Variants in CCT6B observed in about 807,000 individuals in gnomAD.
The protein encoded by CCT6B is chaperonin containing TCP1 subunit 6B, also known as probable T-complex protein 1 subunit zeta-2.
A neutral mutation model predicts 61.5 loss-of-function variants in CCT6B; 49 were observed. The ratio of observed to expected loss-of-function variants is 0.80; its 90% CI spans 0.63 to 1.01. CCT6B has a LOEUF of 1.01. CCT6B is among the 50% of genes least tolerant of loss of function. The probability of loss-of-function intolerance (pLI) is 0.00; values close to 1 mark genes in which losing one functional copy is unlikely to be tolerated. For missense variants in CCT6B, 666 were observed against 634.7 expected, an observed-to-expected ratio of 1.05 and a Z score of -0.53; for synonymous variants, 228 against 214.5, an observed-to-expected ratio of 1.06 and a Z score of -0.55.
At chr17:34,958,717 T>G (rs1446873063) in intron 2 of CCT6B, 23 bp from the exon 3 acceptor site, 2 of 1,567,092 alleles carry the variant, frequency 1.3e-6, no homozygotes, top group Non-Finnish European at 1.7e-6. Flanking sequence ...AGCAACAGAT[T>G]TAAAAAGACA....
rs889010502 is a variant in CCT6B at position 34,958,684 on chromosome 17, T to C, written c.212A>G (p.His71Arg). 3 of 1,594,726 alleles carry C rather than the reference T, an allele frequency of 1.9e-6. No individual in the cohort carries two copies. The highest frequency in any genetic ancestry group is 1.3e-5 in the African/African-American group (1 of 74,294). The change falls in exon 3 of 14, where the codon CAT becomes CGT. Residue 71 changes from histidine (H) to arginine (R), a missense_variant. Coordinates refer to ENST00000314144, the MANE Select transcript of CCT6B (RefSeq NM_006584.4). ...TTTTGCTATCAAGGAAGCTGTTGGATGTTGAATTTGCTGGAAAAAGCAAGC... is the reference window on the plus strand; with the variant it reads ...TTTTGCTATCAAGGAAGCTGTTGGACGTTGAATTTGCTGGAAAAAGCAAGC... Reference protein sequence around the residue: ...NVLLDEMQIQHPTASLIAKVA... With the variant: ...NVLLDEMQIQRPTASLIAKVA...
Position 34,954,588 on chromosome 17 carries a change from A to T in CCT6B, c.348T>A (p.Pro116=). The part of the protein sequence containing the change: ...ADLYISEGLH[P]RIIAEGFEAA... ...CTTCAAATCCTTCAGCTATTATTCT[A>T]GGGTGCAGGCCCTGTTACATCAACA... Residue 116 remains proline, a synonymous_variant, in exon 4 of 14, where the codon CCT becomes CCA. Coordinates refer to ENST00000314144, the MANE Select transcript of CCT6B (RefSeq NM_006584.4). 6.2e-7 allele frequency: 1 copy of T among 1,612,774 alleles called. No homozygotes were observed. Among genetic ancestry groups the T allele is most frequent in the Non-Finnish European group, 8.5e-7 (1 of 1,179,260 alleles).
chr17:34,932,316 A>G, intron 11 of CCT6B, 51 bp downstream of exon 11: 1 of 1,524,350 alleles, frequency 6.6e-7, no homozygotes. Context: ...ATTTGTAATT[A>G]AACACCTTTA....
rs762955264 is a variant in CCT6B at position 34,942,513 on chromosome 17, TTGAC to T, written c.852_855del (p.Ser285IlefsTer17). Reference sequence around the variant, plus strand: ...TGATTAATGACGACAAATCCTTTATTTGACTGAGCACAGACTTTGTCCTTCAGGT... The same window carrying T: ...TGATTAATGACGACAAATCCTTTATTTGAGCACAGACTTTGTCCTTCAGGT... On this transcript the variant is annotated frameshift_variant, in exon 7 of 14. Coordinates refer to ENST00000314144, the MANE Select transcript of CCT6B (RefSeq NM_006584.4). LOFTEE classifies it high-confidence loss of function. The T allele has an allele frequency of 2.4e-5, 38 of 1,593,120 alleles. No homozygotes were observed. The highest frequency in any genetic ancestry group is 5.7e-5 in the Admixed American group (3 of 52,670).
At chr17:34,935,558 G>A (rs752285025) in intron 10 of CCT6B, among the ~76,000 whole-genome samples, 4 of 152,062 alleles carry the variant, frequency 2.6e-5, no homozygotes, top group African/African-American at 4.8e-5. Flanking sequence ...TTTACTGTAC[G>A]AGAAAACTAA....
At chr17:34,930,633 A>C (rs2090025137) in intron 12 of CCT6B, among the ~76,000 whole-genome samples, 1 of 152,072 alleles carries the variant, frequency 6.6e-6, no homozygotes, top group Non-Finnish European at 1.5e-5. Flanking sequence ...CATATAATTC[A>C]TTACTTTTTC....
intron 11 of CCT6B, 140 bp downstream of exon 11, chr17:34,932,227 A>G: frequency 1.3e-6 from 1 of 752,962 alleles, no homozygotes; most frequent in Non-Finnish European, 2.0e-6. Context: ...CTTTAGTTGT[A>G]AAATATCTAA....
In CCT6B at chr17:34,939,311, A is replaced by G; in HGVS notation, c.1085T>C (p.Phe362Ser). Residue 362 changes from phenylalanine to serine, a missense_variant, in exon 10 of 14, where the codon TTT becomes TCT. Coordinates refer to ENST00000314144, the MANE Select transcript of CCT6B (RefSeq NM_006584.4). ...GCAAGGGTTAACACACTCCTCAATA[A>G]AAGTGAACTTTTCTTCACCCTAAAG... ...EYTLGEEKFT[F>S]IEECVNPCSV... is the part of the protein sequence containing the mutation. 4 of 1,613,214 alleles carry G rather than the reference A, an allele frequency of 2.5e-6. No homozygotes were observed. Among genetic ancestry groups the G allele is most frequent in the Non-Finnish European group, 1.7e-6 (2 of 1,179,546 alleles).
chr17:34,929,539 G>T (rs1273066631), intron 12 of CCT6B, among the ~76,000 whole-genome samples: 2 of 140,236 alleles, frequency 1.4e-5, no homozygotes, highest in African/African-American at 2.6e-5. Context: ...TTGAGACAGA[G>T]ATCTTGCTCT....
chr17:34,932,539 TA>T, intron 10 of CCT6B, 39 bp from the exon 11 acceptor site: 1 of 1,562,602 alleles, frequency 6.4e-7, no homozygotes. Flanking sequence ...AGACATGCCA[TA>T]AAGACCAAAA....
intron 9 of CCT6B, 77 bp from the exon 10 acceptor site, chr17:34,939,407 T>C (rs560057504): frequency 7.7e-5 from 96 of 1,238,942 alleles, no homozygotes; most frequent in Admixed American, 6.8e-4. Context: ...TAGAATACAA[T>C]CTTCATTTGA....
chr17:34,938,703 C>T (rs574128890), intron 10 of CCT6B, among the ~76,000 whole-genome samples: 7 of 151,182 alleles, frequency 4.6e-5, no homozygotes, highest in African/African-American at 1.7e-4. Flanking sequence ...TCATCTCTAC[C>T]AAAAATACAA....
Position 34,942,859 on chromosome 17 carries a change from A to C in CCT6B, c.662T>G (p.Met221Arg), listed in dbSNP as rs770067725. The change falls in exon 6 of 14, where the codon ATG becomes AGG. Residue 221 changes from methionine (M) to arginine (R), a missense_variant. Coordinates refer to ENST00000314144, the MANE Select transcript of CCT6B (RefSeq NM_006584.4). Reference protein sequence around the residue: ...VLDHGARHPDMKKRVEDAFIL... With the variant: ...VLDHGARHPDRKKRVEDAFIL... ...AAATGCATCTTCTACTCGCTTCTTC[A>C]TATCTGGATGACGGGCACCATGATC... 6.2e-7 allele frequency: 1 copy of C among 1,611,544 alleles called. No individual in the cohort carries two copies. The highest frequency in any genetic ancestry group is 1.1e-5 in the South Asian group (1 of 90,504).
Position 34,933,264 on chromosome 17 carries a change from T to G in CCT6B, c.1214-764A>C, listed in dbSNP as rs925581727. On this transcript the variant is annotated intron_variant, in intron 10 of 13. Coordinates refer to ENST00000314144, the MANE Select transcript of CCT6B (RefSeq NM_006584.4). The stretch of plus-strand genomic sequence containing the variant: ...CTCAAACTGCTATCTAAGAAAAAAT[T>G]TAAGTGGTATTATTCTAAAGCAAGA... Among the ~76,000 whole-genome samples, 4 of 152,298 alleles carry G rather than the reference T, an allele frequency of 2.6e-5. No homozygotes were observed. In the East Asian group the frequency reaches 5.8e-4, roughly 22 times the overall value.
intron 3 of CCT6B, among the ~76,000 whole-genome samples, chr17:34,956,370 G>A (rs1472452877): frequency 6.6e-6 from 1 of 152,080 alleles, no homozygotes; most frequent in Non-Finnish European, 1.5e-5. Flanking sequence ...GAAGATTTAG[G>A]CCAGGCCTTA....
At chr17:34,932,264 T>C in intron 11 of CCT6B, 103 bp downstream of exon 11, 1 of 1,061,806 alleles carries the variant, frequency 9.4e-7, no homozygotes. Flanking sequence ...GAAATGCACA[T>C]AAATACCTGT....
At chr17:34,959,084 A>G (rs570832352) in intron 2 of CCT6B, among the ~76,000 whole-genome samples, 1 of 150,506 alleles carries the variant, frequency 6.6e-6, no homozygotes, top group East Asian at 2.0e-4. Context: ...CAAAGTATGT[A>G]TAAGTATACA....
At chr17:34,941,395 A>C (rs1224438595) in intron 7 of CCT6B, among the ~76,000 whole-genome samples, 5 of 152,222 alleles carry the variant, frequency 3.3e-5, no homozygotes, top group East Asian at 1.9e-4. Context: ...ATGCATGTGG[A>C]AACTTTGCCT....
At chr17:34,955,635 T>C (rs746588441) in intron 3 of CCT6B, among the ~76,000 whole-genome samples, 1 of 152,214 alleles carries the variant, frequency 6.6e-6, no homozygotes, top group East Asian at 1.9e-4. Context: ...CATAAAATAA[T>C]ACACAAACTT....
Sources: allele counts gnomAD v4.1 joint callset (sites outside exome capture counted in the v4.1 genomes callset), GRCh38; gene constraint gnomAD v4.1.1; transcripts MANE v1.5; gene names NCBI Gene and HGNC (gene_info 2026-07-23, HGNC 2026-07-21).